The following TIMM23 variants were observed in gnomAD, a reference collection of about 807,000 sequenced individuals.
TIMM23 encodes the protein mitochondrial import inner membrane translocase subunit Tim23.
In TIMM23, 19 loss-of-function variants were observed where a neutral mutation model predicts 30.7. The observed-to-expected ratio is 0.62, with a 90% CI of 0.43 to 0.91. The LOEUF is 0.91. Ranked by LOEUF, TIMM23 falls within the 40% of genes least tolerant of loss-of-function variation. TIMM23 has a pLI of 0.00. For missense variants in TIMM23, 202 were observed against 269.2 expected, an observed-to-expected ratio of 0.75 and a Z score of 1.75; for synonymous variants, 78 against 98.5, an observed-to-expected ratio of 0.79 and a Z score of 1.23.
In TIMM23 at chr10:45,977,953, C is replaced by A. The variant is rs1276098332; in HGVS notation, c.165+2441C>A. Among the ~76,000 whole-genome samples the A allele has an allele frequency of 1.0e-3, 157 of 151,916 alleles. 1 individual carries two copies. The highest frequency in any genetic ancestry group is 3.4e-3 in the African/African-American group (142 of 41,412). On this transcript the variant is annotated intron_variant, in intron 2 of 6. Coordinates refer to ENST00000580018, the MANE Select transcript of TIMM23 (RefSeq NM_006327.4). ...GGCTGAGGCAGGAGAATCACTTGAA[C>A]CTGGGAGGCAGAGGTTGCGGTGAGC...
intron 6 of TIMM23, among the ~76,000 whole-genome samples, 161 bp downstream of exon 6, chr10:45,989,008 C>T (rs1377138659): frequency 6.6e-6 from 1 of 152,184 alleles, no homozygotes; most frequent in Non-Finnish European, 1.5e-5. Flanking sequence ...GTAAAATAAA[C>T]ATAAGATTTA....
At chr10:45,977,848 A>C (rs1382620245) in intron 2 of TIMM23, among the ~76,000 whole-genome samples, 2 of 152,154 alleles carry the variant, frequency 1.3e-5, no homozygotes, top group African/African-American at 4.8e-5. Context: ...CCTGGCCAAC[A>C]TGGTGAAACC....
chr10:46,001,427 G>A (rs1554917672), intron 6 of TIMM23, among the ~76,000 whole-genome samples: 1 of 152,112 alleles, frequency 6.6e-6, no homozygotes, highest in East Asian at 1.9e-4. Flanking sequence ...ACTTAGCATT[G>A]GAAAACTAAG....
At chr10:45,989,714 G>A (rs1402520193) in intron 6 of TIMM23, among the ~76,000 whole-genome samples, 5 of 152,180 alleles carry the variant, frequency 3.3e-5, no homozygotes, top group African/African-American at 1.2e-4. Flanking sequence ...TCAAAGCCCA[G>A]GAATGGCTTC....
Position 45,984,016 on chromosome 10 carries a change from T to C in TIMM23, c.344+1086T>C, listed in dbSNP as rs1292449515. Among the ~76,000 whole-genome samples, 343 of 152,340 alleles carry C rather than the reference T, an allele frequency of 2.3e-3. 2 individuals carry two copies. Among genetic ancestry groups the C allele is most frequent in the African/African-American group, 7.9e-3 (328 of 41,572 alleles). ...GCCTCAGCCTTCCAAACTGCTGGGA[T>C]TACAGATGTGAGCCACTGCGCCTAG... On this transcript the variant is annotated intron_variant, in intron 4 of 6. Coordinates refer to ENST00000580018, the MANE Select transcript of TIMM23 (RefSeq NM_006327.4).
intron 5 of TIMM23, among the ~76,000 whole-genome samples, chr10:45,986,703 C>G (rs1240024982): frequency 2.0e-5 from 3 of 151,912 alleles, no homozygotes; most frequent in Non-Finnish European, 4.4e-5. Flanking sequence ...AGAAGGATGG[C>G]TTGGGGGAAG....
intron 6 of TIMM23, 46 bp downstream of exon 6, chr10:45,988,893 G>C: frequency 5.7e-6 from 9 of 1,586,674 alleles, no homozygotes; most frequent in Non-Finnish European, 6.9e-6. Flanking sequence ...CACTTGAAGT[G>C]CGCTTTTTAA....
At chr10:45,977,390 A>G (rs1429743771) in intron 2 of TIMM23, among the ~76,000 whole-genome samples, 3 of 152,206 alleles carry the variant, frequency 2.0e-5, no homozygotes, top group Non-Finnish European at 2.9e-5. Flanking sequence ...AATGAAATAC[A>G]GAGTCCAGAA....
intron 2 of TIMM23, among the ~76,000 whole-genome samples, chr10:45,981,990 T>C (rs1837865343): frequency 1.3e-5 from 2 of 152,202 alleles, no homozygotes; most frequent in Admixed American, 6.5e-5. Flanking sequence ...ATAGGGTCTA[T>C]AGCTTTCTGA....
At chr10:46,000,431 G>A (rs1343453110) in intron 6 of TIMM23, among the ~76,000 whole-genome samples, 1 of 152,156 alleles carries the variant, frequency 6.6e-6, no homozygotes, top group African/African-American at 2.4e-5. Flanking sequence ...TGTTGCCCAC[G>A]CTGGTCTTGA....
At position 45,995,970 on chromosome 10, in the gene TIMM23, G is replaced by A. The variant is rs1426051977; in HGVS notation, c.514+7123G>A. 4.0e-3 allele frequency among the ~76,000 whole-genome samples: 602 copies of A among 149,786 alleles called. 26 individuals are homozygous for A. The highest frequency in any genetic ancestry group is 0.017 in the Middle Eastern group (5 of 294). ...TTACTGAAAAACAGAATTCCTCAGC[G>A]AATCAAGTGTCTGATGCATAATAAA... On this transcript the variant is annotated intron_variant, in intron 6 of 6. Transcript: ENST00000580018.
At chr10:45,996,535 A>T (rs1219538881) in intron 6 of TIMM23, among the ~76,000 whole-genome samples, 1 of 151,824 alleles carries the variant, frequency 6.6e-6, no homozygotes, top group Non-Finnish European at 1.5e-5. Flanking sequence ...CTTATTGCTG[A>T]AGGTATAATT....
chr10:45,997,760 A>G (rs1838390839), intron 6 of TIMM23, among the ~76,000 whole-genome samples: 1 of 152,154 alleles, frequency 6.6e-6, no homozygotes, highest in Non-Finnish European at 1.5e-5. Flanking sequence ...AGCCTTTACC[A>G]AACCACTGCA....
At chr10:46,002,040 A>G (rs942979329) in intron 6 of TIMM23, among the ~76,000 whole-genome samples, 2 of 152,144 alleles carry the variant, frequency 1.3e-5, no homozygotes, top group Admixed American at 6.5e-5. Context: ...AGGTAGTTCA[A>G]TATCTGTAAT....
chr10:46,001,024 C>T (rs1408550693), intron 6 of TIMM23, among the ~76,000 whole-genome samples: 1 of 152,178 alleles, frequency 6.6e-6, no homozygotes, highest in African/African-American at 2.4e-5. Flanking sequence ...TTGCAGATAC[C>T]TTTAGCATTT....
At chr10:45,989,120 G>A (rs1362119341) in intron 6 of TIMM23, among the ~76,000 whole-genome samples, 1 of 152,128 alleles carries the variant, frequency 6.6e-6, no homozygotes, top group East Asian at 1.9e-4. Context: ...CTGATACTCT[G>A]TACCTATTAA....
Position 46,003,186 on chromosome 10 carries a change from T to C in TIMM23, c.515-17T>C, listed in dbSNP as rs782081367. On this transcript the variant is annotated splice_polypyrimidine_tract_variant and intron_variant, in intron 6 of 6. Coordinates refer to ENST00000580018, the MANE Select transcript of TIMM23 (RefSeq NM_006327.4). ...AATATACAGCTATTTCATTTTCCTT[T>C]TGTCTCTGTTTCCCAGGTGGTCTTC... is the stretch of plus-strand genomic sequence containing the variant. The C allele has an allele frequency of 4.4e-6, 7 of 1,595,870 alleles. No individual in the cohort carries two copies. In the Admixed American group the frequency reaches 1.0e-4, roughly 23 times the overall value.
intron 6 of TIMM23, among the ~76,000 whole-genome samples, chr10:45,996,177 C>CAGTG (rs2132278594): frequency 7.1e-6 from 1 of 141,272 alleles, no homozygotes; most frequent in South Asian, 2.2e-4. Flanking sequence ...CTGGCTAACA[C>CAGTG]AGTGAAACCC....
intron 6 of TIMM23, among the ~76,000 whole-genome samples, chr10:45,989,329 A>G (rs1464482802): frequency 6.6e-6 from 1 of 152,238 alleles, no homozygotes; most frequent in Non-Finnish European, 1.5e-5. Context: ...TTAAAGCTAA[A>G]TAATATTCAT....
Sources: gnomAD v4.1 joint callset for allele counts (sites outside exome capture counted in the v4.1 genomes callset) on GRCh38, gnomAD v4.1.1 for gene constraint, MANE v1.5 for transcripts, NCBI Gene and HGNC (gene_info 2026-07-23, HGNC 2026-07-21) for gene names.